Variants in SMG9 observed in about 807,000 individuals in gnomAD.
SMG9 encodes nonsense-mediated mRNA decay factor SMG9.
Under a neutral mutation model 64.0 loss-of-function variants are expected in SMG9, and 55 were observed. The ratio of observed to expected loss-of-function variants is 0.86; its 90% confidence interval spans 0.69 to 1.08. The LOEUF (loss-of-function observed/expected upper bound fraction) is 1.08, where lower values mean the gene tolerates loss of function less well. Among genes scored for constraint, SMG9 ranks in the 50% least tolerant of loss-of-function variants. SMG9 has a pLI of 0.00. For missense variants in SMG9, 554 were observed against 681.3 expected (o/e 0.81, Z 2.08); for synonymous variants, 244 against 254.8 (o/e 0.96, Z 0.41).
intron 1 of SMG9, among the ~76,000 whole-genome samples, chr19:43,754,167 A>G (rs1969282094): frequency 6.6e-6 from 1 of 152,092 alleles, no homozygotes. Flanking sequence ...ATTTGCAAAT[A>G]TTTGGGGAGA....
At chr19:43,744,504 T>A (rs543412647) in intron 6 of SMG9, among the ~76,000 whole-genome samples, 16 of 143,888 alleles carry the variant, frequency 1.1e-4, no homozygotes, top group Non-Finnish European at 2.3e-4. Context: ...AACTACATCA[T>A]CCCACTTCTT....
chr19:43,742,847 T>C (rs950237472), intron 6 of SMG9, among the ~76,000 whole-genome samples: 31 of 151,930 alleles, frequency 2.0e-4, no homozygotes, highest in African/African-American at 6.8e-4. Flanking sequence ...TCCCGACACT[T>C]TGGGAGGCCG....
In SMG9 at chr19:43,729,056, G is replaced by T; in HGVS notation, c.*2540C>A. 1.0e-6 allele frequency: 1 copy of T among 985,454 alleles called. No homozygotes were observed. The allele number at this position is 985,454 out of a possible 1,614,324, so 61.0% of individuals were successfully genotyped here. A position where few individuals can be genotyped will look rare whatever the true frequency, so the allele number is the denominator to read the frequency against. The stretch of plus-strand genomic sequence containing the variant: ...CATCAGCCTGAGTCCTCTGCTGGAT[G>T]TAAAGGGGGTGGCGGGTGACCGGTA... On this transcript the variant is annotated 3_prime_UTR_variant, in exon 14 of 14. Coordinates refer to ENST00000270066, the MANE Select transcript of SMG9 (RefSeq NM_019108.4).
chr19:43,751,641 A>G (rs766011290), intron 1 of SMG9, among the ~76,000 whole-genome samples: 1 of 152,268 alleles, frequency 6.6e-6, no homozygotes, highest in African/African-American at 2.4e-5. Context: ...TGACACTAGA[A>G]GTGTGGCTTG....
rs1968483696 is a variant in SMG9 at position 43,731,536 on chromosome 19, C to G, written c.*60G>C. 6.2e-7 allele frequency: 1 copy of G among 1,607,584 alleles called. No homozygotes were observed. The highest frequency in any genetic ancestry group is 8.5e-7 in the Non-Finnish European group (1 of 1,176,040). On this transcript the variant is annotated 3_prime_UTR_variant, in exon 14 of 14. Transcript: ENST00000270066. ...CCCCAGCGGGGGATGGACATCTGTG[C>G]TCCCTCGCAGTACACTGCGGACCCA...
Position 43,737,757 on chromosome 19 carries a change from C to T in SMG9, c.910-75G>A, listed in dbSNP as rs112044855. On this transcript the variant is annotated intron_variant, in intron 8 of 13. Transcript: ENST00000270066. ...TAATCAGGAGTCCCTGATCCCAGGA[C>T]TCAGTTCAGGAGGCAGCAAGGCAAG... 8 of 1,476,536 alleles carry T rather than the reference C, an allele frequency of 5.4e-6. No individual in the cohort carries two copies. In the African/African-American group the frequency reaches 8.3e-5, roughly 15 times the overall value. 91.5% of individuals were successfully genotyped at this position (1,476,536 alleles called of 1,614,324 possible). A position where few individuals can be genotyped will look rare whatever the true frequency, so the allele number is the denominator to read the frequency against.
chr19:43,733,574 G>C (rs1337598720), intron 11 of SMG9, 52 bp downstream of exon 11: 1 of 1,608,920 alleles, frequency 6.2e-7, no homozygotes, highest in Non-Finnish European at 8.5e-7. Flanking sequence ...CACGGGGTTG[G>C]ATCAGGAATT....
At chr19:43,753,658 G>A (rs183538037) in intron 1 of SMG9, among the ~76,000 whole-genome samples, 1 of 151,874 alleles carries the variant, frequency 6.6e-6, no homozygotes, top group East Asian at 1.9e-4. Context: ...ACGGGGTTTC[G>A]CCATGTTGGC....
Position 43,747,891 on chromosome 19 carries a change from G to C in SMG9, c.232C>G (p.Gln78Glu). Residue 78 changes from glutamine (Q) to glutamate (E), a missense_variant, in exon 4 of 14, where the codon CAG becomes GAG. Transcript: ENST00000270066. Reference sequence around the variant, plus strand: ...GCAGGGGCTGTTGGAGGTGGTGGCTGTTTTGACTACGGAGGTAAAAAAAAT... The same window carrying C: ...GCAGGGGCTGTTGGAGGTGGTGGCTCTTTTGACTACGGAGGTAAAAAAAAT... Reference protein sequence around the residue: ...LSKPPAERSKQPPPPTAPAAP... With the variant: ...LSKPPAERSKEPPPPTAPAAP... The C allele has an allele frequency of 1.2e-6, 2 of 1,612,674 alleles. No individual in the cohort carries two copies. Among genetic ancestry groups the C allele is most frequent in the Non-Finnish European group, 1.7e-6 (2 of 1,179,294 alleles).
At chr19:43,752,776 T>C (rs1227065738) in intron 1 of SMG9, among the ~76,000 whole-genome samples, 1 of 151,760 alleles carries the variant, frequency 6.6e-6, no homozygotes, top group Non-Finnish European at 1.5e-5. Context: ...CGTGGTGACA[T>C]GCACCTGTAG....
intron 13 of SMG9, 165 bp downstream of exon 13, chr19:43,732,693 G>C (rs917001854): frequency 3.4e-4 from 262 of 770,250 alleles, no homozygotes; most frequent in Non-Finnish European, 4.8e-4. Context: ...TTGCCACATG[G>C]GTGAGATGCT....
At chr19:43,740,449 G>C (rs1268548896) in intron 6 of SMG9, among the ~76,000 whole-genome samples, 2 of 152,144 alleles carry the variant, frequency 1.3e-5, no homozygotes, top group Non-Finnish European at 2.9e-5. Flanking sequence ...AATGAAGCCA[G>C]TACACTGAGG....
At chr19:43,731,811 C>CCCTGTATCCCAGTCGAG in intron 13 of SMG9, 137 bp from the exon 14 acceptor site, 1 of 1,033,024 alleles carries the variant, frequency 9.7e-7, no homozygotes, top group Non-Finnish European at 1.4e-6. Context: ...CCAATCTCCT[C>CCCTGTATCCCAGTCGAG]GACTGGGATA....
At chr19:43,750,471 CA>C in intron 2 of SMG9, 120 bp downstream of exon 2, 1 of 1,127,654 alleles carries the variant, frequency 8.9e-7, no homozygotes, top group Non-Finnish European at 1.3e-6. Flanking sequence ...CTTCTTTATC[CA>C]TGAGGGTGGT....
chr19:43,751,328 G>A (rs1040477751), intron 1 of SMG9, among the ~76,000 whole-genome samples: 1 of 151,460 alleles, frequency 6.6e-6, no homozygotes, highest in African/African-American at 2.4e-5. Flanking sequence ...GTAGAGATGG[G>A]GTTTCACCAT....
At chr19:43,734,145 G>C (rs967167953) in intron 10 of SMG9, 1 of 558,230 alleles carries the variant, frequency 1.8e-6, no homozygotes, top group Non-Finnish European at 3.2e-6. Flanking sequence ...GGCAGACCTG[G>C]GGCCTGTCCC....
chr19:43,733,286 G>A (rs1377685663), intron 12 of SMG9, 38 bp downstream of exon 12: 1 of 1,610,196 alleles, frequency 6.2e-7, no homozygotes, highest in Admixed American at 1.7e-5. Context: ...ATCAGGATAG[G>A]ACTTGTCTCT....
In SMG9 at chr19:43,750,836, T is replaced by C. The variant is rs1027378019; in HGVS notation, c.-6-89A>G. On this transcript the variant is annotated intron_variant, in intron 1 of 13. Transcript: ENST00000270066. ...TAGACTATACGAAGTCCCTTCTTTC[T>C]TTTTTTTGGAGATGGAGTCTCTCTG... 96 of 1,193,850 alleles carry C rather than the reference T, an allele frequency of 8.0e-5. 3 individuals are homozygous for C. In the South Asian group the frequency reaches 1.6e-3, roughly 20 times the overall value. 74.0% of individuals were successfully genotyped at this position (1,193,850 alleles called of 1,614,324 possible).
At chr19:43,746,766 T>C (rs1969023411) in intron 5 of SMG9, among the ~76,000 whole-genome samples, 1 of 149,162 alleles carries the variant, frequency 6.7e-6, no homozygotes, top group Non-Finnish European at 1.5e-5. Context: ...GGGGTCACTT[T>C]GGGGGAGTGA....
Sources: gnomAD v4.1 joint callset for allele counts (sites outside exome capture counted in the v4.1 genomes callset) on GRCh38, gnomAD v4.1.1 for gene constraint, MANE v1.5 for transcripts, NCBI Gene and HGNC (gene_info 2026-07-23, HGNC 2026-07-21) for gene names.